The following TBXAS1 variants were observed in gnomAD, a reference collection of about 807,000 sequenced individuals.
TBXAS1 encodes the protein thromboxane-A synthase.
In TBXAS1, 48 loss-of-function variants were observed where a neutral mutation model predicts 60.7. The observed-to-expected ratio is 0.79, with a 90% CI of 0.63 to 1.01. The LOEUF (loss-of-function observed/expected upper bound fraction) is 1.01. Ranked by LOEUF, TBXAS1 falls within the 50% of genes least tolerant of loss-of-function variation. TBXAS1 has a pLI of 0.00. For missense variants in TBXAS1, 685 were observed against 686.3 expected (o/e 1.00, Z 0.02); for synonymous variants, 287 against 269.7 (o/e 1.06, Z -0.63).
Position 140,013,643 on chromosome 7 carries a change from T to A in TBXAS1, c.1227-2080T>A, listed in dbSNP as rs1814790933. ...ACGGAGGAGACCCAAGCTGGGGGAC[T>A]GGAAGGTGGTTCAGATTGTTCACAA... On this transcript the variant is annotated intron_variant, in intron 10 of 12. Coordinates refer to ENST00000448866, the MANE Select transcript of TBXAS1 (RefSeq NM_001061.7). The surrounding 1 kb of genome is among the most constrained non-coding windows in gnomAD (Gnocchi z 4.2). 6.6e-6 allele frequency among the ~76,000 whole-genome samples: 1 copy of A among 152,166 alleles called. No homozygotes were observed. Among genetic ancestry groups the A allele is most frequent in the Non-Finnish European group, 1.5e-5 (1 of 68,010 alleles).
intron 1 of TBXAS1, among the ~76,000 whole-genome samples, chr7:139,861,645 C>A (rs1312945786): frequency 1.3e-5 from 2 of 152,108 alleles, no homozygotes; most frequent in South Asian, 2.1e-4. Context: ...GCTGAAGTAC[C>A]AAACATGGTA....
intron 4 of TBXAS1, among the ~76,000 whole-genome samples, chr7:139,917,385 G>A (rs1250407361): frequency 2.0e-5 from 3 of 152,206 alleles, no homozygotes; most frequent in Admixed American, 6.5e-5. Context: ...GTGGTATGGC[G>A]AAAGGTCTTT....
chr7:139,801,082 A>C (rs1797711308), intron 4 of TBXAS1, among the ~76,000 whole-genome samples: 1 of 152,228 alleles, frequency 6.6e-6, no homozygotes, highest in Non-Finnish European at 1.5e-5. Flanking sequence ...CATTAACCTT[A>C]TCAGTTAGTT....
intron 4 of TBXAS1, among the ~76,000 whole-genome samples, chr7:139,792,290 T>C (rs1457998349): frequency 1.3e-5 from 2 of 152,132 alleles, no homozygotes; most frequent in Non-Finnish European, 2.9e-5. Context: ...ACTGGTAAAA[T>C]AGAGTTACCA....
In TBXAS1 at chr7:139,778,892, T is replaced by C. The variant is rs1796880684; in HGVS notation, c.-318+421T>C. 6.6e-6 allele frequency among the ~76,000 whole-genome samples: 1 copy of C among 152,174 alleles called. No homozygotes were observed. The highest frequency in any genetic ancestry group is 2.4e-5 in the African/African-American group (1 of 41,434). ...ATCCCCTCCAACTTAGGAAGACTTG[T>C]TGAGTCTCCTCTTAGGCACTGTTTT... On this transcript the variant is annotated intron_variant, in intron 1 of 16. Coordinates refer to the TBXAS1 transcript ENST00000336425. The surrounding 1 kb of genome is among the most constrained non-coding windows in gnomAD (Gnocchi z 4.8).
At chr7:139,851,974 G>A (rs189470353) in intron 1 of TBXAS1, among the ~76,000 whole-genome samples, 2 of 152,282 alleles carry the variant, frequency 1.3e-5, no homozygotes, top group East Asian at 1.9e-4. Context: ...TCTTGGGCTC[G>A]CTCTCTCCCT....
intron 4 of TBXAS1, among the ~76,000 whole-genome samples, chr7:139,809,153 GTAGATAGATAGA>G (rs60399618): frequency 3.3e-5 from 5 of 150,046 alleles, no homozygotes; most frequent in South Asian, 4.2e-4. Flanking sequence ...TAGGAGATAG[GTAGATAGATAGA>G]TAGATAGATA....
At chr7:139,938,378 G>C (rs978053515) in intron 5 of TBXAS1, among the ~76,000 whole-genome samples, 1 of 152,080 alleles carries the variant, frequency 6.6e-6, no homozygotes, top group Non-Finnish European at 1.5e-5. Flanking sequence ...TTTTTTTCAG[G>C]CTCCCCAGGT....
At chr7:139,938,796 TGAG>T (rs1203630122) in intron 5 of TBXAS1, among the ~76,000 whole-genome samples, 2 of 151,930 alleles carry the variant, frequency 1.3e-5, no homozygotes, top group Non-Finnish European at 2.9e-5. Context: ...AAAGAGTATC[TGAG>T]AAAAGAAGAA....
chr7:139,940,202 C>G lies in TBXAS1; in HGVS notation c.450+3895C>G, dbSNP rs571422330. Among the ~76,000 whole-genome samples, 164 of 152,164 alleles carry G rather than the reference C, an allele frequency of 1.1e-3. 3 individuals carry two copies. The South Asian group carries it at 0.031, about 29-fold the overall frequency. ...TTGAGGCTCTAAGCCATGGTGTAGA[C>G]AGGATGCAGGAAATGACAGGGGGGC... is the stretch of plus-strand genomic sequence containing the variant. On this transcript the variant is annotated intron_variant, in intron 5 of 12. Coordinates refer to ENST00000448866, the MANE Select transcript of TBXAS1 (RefSeq NM_001061.7).
At chr7:139,886,727 C>G (rs1037851040) in intron 3 of TBXAS1, among the ~76,000 whole-genome samples, 1 of 152,164 alleles carries the variant, frequency 6.6e-6, no homozygotes, top group African/African-American at 2.4e-5. Flanking sequence ...AATGGCTCTT[C>G]CATTTGCCTT....
intron 4 of TBXAS1, among the ~76,000 whole-genome samples, chr7:139,814,274 C>G (rs137988661): frequency 5.9e-5 from 9 of 152,296 alleles, no homozygotes; most frequent in Non-Finnish European, 7.4e-5. Context: ...TGGTTCCAAC[C>G]CTCACCCTCT....
At chr7:139,945,688 A>C (rs1808645786) in intron 5 of TBXAS1, among the ~76,000 whole-genome samples, 1 of 152,244 alleles carries the variant, frequency 6.6e-6, no homozygotes, top group Non-Finnish European at 1.5e-5. Context: ...GCTGTGTAAC[A>C]AAATTACCCC....
chr7:139,997,952 G>A (rs1179188178), intron 9 of TBXAS1, among the ~76,000 whole-genome samples: 2 of 152,078 alleles, frequency 1.3e-5, no homozygotes, highest in African/African-American at 2.4e-5. Flanking sequence ...ATTCATAATG[G>A]CCCCCAACCT....
chr7:140,007,140 T>C lies in TBXAS1; in HGVS notation c.1184T>C (p.Met395Thr). Residue 395 changes from methionine to threonine, a missense_variant, in exon 10 of 13, where the codon ATG becomes ACG. Transcript: ENST00000448866. The part of the protein sequence containing the change: ...SLEEGLPYLD[M>T]VIAETLRMYP... ...GAGGAAGGCCTGCCCTATCTGGACA[T>C]GGTGATTGCAGAGACGCTGAGGATG... 2.5e-6 allele frequency: 4 copies of C among 1,614,116 alleles called. No individual in the cohort carries two copies. The highest frequency in any genetic ancestry group is 3.4e-6 in the Non-Finnish European group (4 of 1,180,014).
intron 4 of TBXAS1, among the ~76,000 whole-genome samples, chr7:139,818,363 C>G (rs763738796): frequency 6.6e-6 from 1 of 152,176 alleles, no homozygotes; most frequent in African/African-American, 2.4e-5. Flanking sequence ...AGGGATGGAA[C>G]TAGGATCAGT....
At chr7:139,845,482 C>G (rs1799737463) in intron 1 of TBXAS1, among the ~76,000 whole-genome samples, 1 of 152,134 alleles carries the variant, frequency 6.6e-6, no homozygotes, top group Non-Finnish European at 1.5e-5. Flanking sequence ...TCTTCTGCAT[C>G]TCCTAGGTTC....
chr7:139,782,114 T>G (rs147463087), intron 2 of TBXAS1, among the ~76,000 whole-genome samples: 185 of 152,002 alleles, frequency 1.2e-3, no homozygotes, highest in African/African-American at 4.2e-3. Flanking sequence ...CCCATTTGGC[T>G]AGAGATAGTG....
chr7:139,996,590 T>G lies in TBXAS1; in HGVS notation c.1135-10501T>G, dbSNP rs527528064. On this transcript the variant is annotated intron_variant, in intron 9 of 12. Transcript: ENST00000448866. ...CCACCCATGTGGTCCTCTTTCTGTG[T>G]TTCTCTCAGCCACTTAGGAATGAAA... Among the ~76,000 whole-genome samples, 178 of 152,334 alleles carry G rather than the reference T, an allele frequency of 1.2e-3. 1 individual carries two copies. Among genetic ancestry groups the G allele is most frequent in the Non-Finnish European group, 2.0e-3 (138 of 68,028 alleles).
Sources: gnomAD v4.1 joint callset for allele counts (sites outside exome capture counted in the v4.1 genomes callset) on GRCh38, gnomAD v4.1.1 for gene constraint, Gnocchi (gnomAD v3.1) non-coding constraint, MANE v1.5 for transcripts, NCBI Gene and HGNC (gene_info 2026-07-23, HGNC 2026-07-21) for gene names.